The following C6orf163 variants were observed in gnomAD, a reference collection of about 807,000 sequenced individuals.
C6orf163 encodes chromosome 6 open reading frame 163, also known as uncharacterized protein C6orf163.
Under a neutral mutation model 28.4 loss-of-function variants are expected in C6orf163, and 22 were observed. The ratio of observed to expected loss-of-function variants is 0.78; its 90% CI spans 0.55 to 1.11. C6orf163 has a LOEUF of 1.11. Ranked by LOEUF, C6orf163 falls within the 50% of genes least tolerant of loss-of-function variation. C6orf163 has a pLI of 0.00. For missense variants in C6orf163, 342 were observed against 389.1 expected, an observed-to-expected ratio of 0.88 and a Z score of 1.02; for synonymous variants, 110 against 123.6, an observed-to-expected ratio of 0.89 and a Z score of 0.73.
At chr6:87,355,975 A>G (rs1490930659) in intron 3 of C6orf163, among the ~76,000 whole-genome samples, 1 of 152,210 alleles carries the variant, frequency 6.6e-6, no homozygotes, top group Non-Finnish European at 1.5e-5. Context: ...ATTATGTATA[A>G]TGATAATATG....
intron 3 of C6orf163, among the ~76,000 whole-genome samples, chr6:87,350,816 T>G (rs903217613): frequency 2.6e-5 from 4 of 152,224 alleles, no homozygotes; most frequent in African/African-American, 9.7e-5. Flanking sequence ...AATAAATGAT[T>G]GTGTGGTTAG....
At chr6:87,356,206 G>T (rs1325957070) in intron 3 of C6orf163, 95 bp from the exon 4 acceptor site, 9 of 967,166 alleles carry the variant, frequency 9.3e-6, no homozygotes, top group South Asian at 1.5e-5. Flanking sequence ...ACACTTGCTA[G>T]CAGATAGATA....
At chr6:87,351,839 G>A (rs1037248028) in intron 3 of C6orf163, among the ~76,000 whole-genome samples, 1 of 152,196 alleles carries the variant, frequency 6.6e-6, no homozygotes. Flanking sequence ...AGGGGCTCTA[G>A]TTCCCTGCTA....
rs5878029 is a variant in C6orf163 at position 87,363,325 on chromosome 6, CT to C, written c.555-1625del. On this transcript the variant is annotated intron_variant, in intron 4 of 4. Transcript: ENST00000388923. ...CAGTCCATGACATTAAAACTATTTT[CT>C]TTTTTTTTTTCCAAATTTTTTAAAA... Among the ~76,000 whole-genome samples, 224 of 149,130 alleles carry C rather than the reference CT, an allele frequency of 1.5e-3. 1 individual carries two copies. The highest frequency in any genetic ancestry group is 5.2e-3 in the African/African-American group (211 of 40,606).
chr6:87,356,526 A>C, intron 4 of C6orf163, 23 bp downstream of exon 4: 1 of 1,547,000 alleles, frequency 6.5e-7, no homozygotes, highest in Non-Finnish European at 8.7e-7. Context: ...ACTCATTTAC[A>C]AATTAGTAAC....
chr6:87,348,476 C>T (rs981293232), intron 1 of C6orf163: 1 of 1,055,148 alleles, frequency 9.5e-7, no homozygotes, highest in African/African-American at 1.7e-5. Context: ...GTATAATGTG[C>T]TAAGACCTCT....
intron 3 of C6orf163, among the ~76,000 whole-genome samples, chr6:87,352,433 A>G (rs757883702): frequency 2.1e-4 from 32 of 152,248 alleles, no homozygotes; most frequent in Non-Finnish European, 3.8e-4. Flanking sequence ...CTCTAGAACC[A>G]AATATTAAAT....
chr6:87,365,450 T>C lies in C6orf163; in HGVS notation c.*54T>C. On this transcript the variant is annotated 3_prime_UTR_variant, in exon 5 of 5. Coordinates refer to ENST00000388923, the MANE Select transcript of C6orf163 (RefSeq NM_001010868.3). ...AGACATCATTCCAGACTAAATAAAT[T>C]TACTCAAAAACCATGTATTGATTCC... The C allele has an allele frequency of 8.1e-7, 1 of 1,233,602 alleles. No individual in the cohort carries two copies. The highest frequency in any genetic ancestry group is 1.1e-6 in the Non-Finnish European group (1 of 898,992). 76.4% of individuals were successfully genotyped at this position (1,233,602 alleles called of 1,614,324 possible).
chr6:87,348,838 G>A lies in C6orf163; in HGVS notation c.175G>A (p.Glu59Lys). 6.5e-7 allele frequency: 1 copy of A among 1,537,404 alleles called. No homozygotes were observed. The highest frequency in any genetic ancestry group is 2.0e-5 in the Admixed American group (1 of 50,954). Residue 59 changes from glutamate to lysine, a missense_variant, in exon 2 of 5, where the codon GAA becomes AAA. Coordinates refer to ENST00000388923, the MANE Select transcript of C6orf163 (RefSeq NM_001010868.3). ...TATTGGGGCAAATATTCTGAAAAAAGAAGAGCAGTTTCAAGAAGATATACT... is the reference window on the plus strand; with the variant it reads ...TATTGGGGCAAATATTCTGAAAAAAAAAGAGCAGTTTCAAGAAGATATACT... Reference protein sequence around the residue: ...LDIGANILKKEEQFQEDILRE... With the variant: ...LDIGANILKKKEQFQEDILRE...
Position 87,356,474 on chromosome 6 carries a change from C to T in C6orf163, c.525C>T (p.Ile175=), listed in dbSNP as rs371724390. Residue 175 remains isoleucine, a synonymous_variant, in exon 4 of 5, where the codon ATC becomes ATT. Transcript: ENST00000388923. Reference sequence around the variant, plus strand: ...AAGCCAGGGCTGAAGAAAGACACATCGCCCAGGAAGCAATCCAGGCCCAGA... The same window carrying T: ...AAGCCAGGGCTGAAGAAAGACACATTGCCCAGGAAGCAATCCAGGCCCAGA... ...VEKARAEERH[I]AQEAIQAQKS... is the part of the protein sequence containing the mutation. 70 of 1,551,504 alleles carry T rather than the reference C, an allele frequency of 4.5e-5. No homozygotes were observed. The highest frequency in any genetic ancestry group is 2.9e-4 in the Admixed American group (15 of 50,984).
intron 4 of C6orf163, 114 bp from the exon 5 acceptor site, chr6:87,364,847 C>T: frequency 1.3e-6 from 1 of 756,036 alleles, no homozygotes; most frequent in South Asian, 1.9e-5. Context: ...ATCAGCCTGT[C>T]TCAGGCTGGT....
At chr6:87,362,416 G>A (rs1777593537) in intron 4 of C6orf163, among the ~76,000 whole-genome samples, 1 of 152,204 alleles carries the variant, frequency 6.6e-6, no homozygotes, top group Non-Finnish European at 1.5e-5. Context: ...GGCGGAGGTT[G>A]CAGTGAGCCA....
chr6:87,365,463 A>G lies in C6orf163; in HGVS notation c.*67A>G, dbSNP rs1777631926. 1.8e-6 allele frequency: 2 copies of G among 1,087,582 alleles called. No homozygotes were observed. Among genetic ancestry groups the G allele is most frequent in the Non-Finnish European group, 2.6e-6 (2 of 768,190 alleles). 67.4% of individuals were successfully genotyped at this position (1,087,582 alleles called of 1,614,324 possible). On this transcript the variant is annotated 3_prime_UTR_variant, in exon 5 of 5. Transcript: ENST00000388923. ...GACTAAATAAATTTACTCAAAAACC[A>G]TGTATTGATTCCCCAGCCTTGTGCA...
intron 1 of C6orf163, among the ~76,000 whole-genome samples, chr6:87,347,146 C>G (rs776490567): frequency 6.6e-6 from 1 of 152,194 alleles, no homozygotes; most frequent in Admixed American, 6.5e-5. Flanking sequence ...AAACTTGAAC[C>G]CCTGACAACC....
intron 1 of C6orf163, chr6:87,347,425 G>A: frequency 2.0e-6 from 2 of 985,270 alleles, no homozygotes; most frequent in Non-Finnish European, 2.4e-6. Flanking sequence ...GCCTACACTT[G>A]TATCACATTT....
At chr6:87,347,513 A>T in intron 1 of C6orf163, 1 of 985,382 alleles carries the variant, frequency 1.0e-6, no homozygotes, top group East Asian at 1.1e-4. Context: ...ATTTCTACAC[A>T]ATGTTGGGCT....
chr6:87,352,901 T>C (rs1249975817), intron 3 of C6orf163, among the ~76,000 whole-genome samples: 1 of 152,084 alleles, frequency 6.6e-6, no homozygotes, highest in Non-Finnish European at 1.5e-5. Context: ...CTGTCAAACA[T>C]CTGTACAGTT....
At chr6:87,348,592 G>C in intron 1 of C6orf163, 1 of 1,314,638 alleles carries the variant, frequency 7.6e-7, no homozygotes, top group South Asian at 1.9e-5. Context: ...GGTGTGATGA[G>C]GGGAATGACC....
At chr6:87,360,810 T>C (rs1008468181) in intron 4 of C6orf163, among the ~76,000 whole-genome samples, 2 of 152,210 alleles carry the variant, frequency 1.3e-5, no homozygotes, top group African/African-American at 2.4e-5. Flanking sequence ...TACCCACTTA[T>C]TCATTCATAC....
Sources: allele counts gnomAD v4.1 joint callset (sites outside exome capture counted in the v4.1 genomes callset), GRCh38; gene constraint gnomAD v4.1.1; transcripts MANE v1.5; gene names NCBI Gene and HGNC (gene_info 2026-07-23, HGNC 2026-07-21).